The following MAGI2 variants were observed in gnomAD, a reference collection of about 807,000 sequenced individuals.
MAGI2 encodes membrane-associated guanylate kinase, WW and PDZ domain-containing protein 2.
Under a neutral mutation model 133.3 loss-of-function variants are expected in MAGI2, and 35 were observed. That is an observed-to-expected ratio of 0.26 (90% confidence interval 0.20 to 0.35). The LOEUF is 0.35. MAGI2 is among the 10% of genes least tolerant of loss of function. The pLI is 1.00. For missense variants in MAGI2, 1,636 were observed against 1,863.4 expected (o/e 0.88, Z 2.25); for synonymous variants, 729 against 710.6 (o/e 1.03, Z -0.41).
chr7:78,385,029 G>T (rs1472948508), intron 6 of MAGI2, among the ~76,000 whole-genome samples: 1 of 152,124 alleles, frequency 6.6e-6, no homozygotes, highest in Non-Finnish European at 1.5e-5. Flanking sequence ...GCCGTGAAAC[G>T]CATGGATCCT....
intron 1 of MAGI2, among the ~76,000 whole-genome samples, chr7:79,310,162 CAAAAAAAAAAAA>C (rs71518921): frequency 1.3e-3 from 21 of 16,288 alleles, no homozygotes; most frequent in African/African-American, 3.3e-3. Flanking sequence ...GAGTCCATCT[CAAAAAAAAAAAA>C]AAAAAAAAAA....
chr7:78,599,859 A>G (rs319870), intron 3 of MAGI2, among the ~76,000 whole-genome samples: 26,067 of 152,048 alleles, frequency 0.17, 2,873 homozygotes, highest in Non-Finnish European at 0.25. Flanking sequence ...TGTCACTCCT[A>G]TCTGGGGATG....
intron 9 of MAGI2, among the ~76,000 whole-genome samples, chr7:78,269,444 T>A (rs529536871): frequency 6.3e-4 from 96 of 152,318 alleles, no homozygotes; most frequent in Non-Finnish European, 1.1e-3. Context: ...CTCCAGCATC[T>A]GTTGTTTACT....
intron 2 of MAGI2, among the ~76,000 whole-genome samples, chr7:78,849,921 A>G (rs1792983797): frequency 6.6e-6 from 1 of 152,074 alleles, no homozygotes; most frequent in South Asian, 2.1e-4. Context: ...AGCACTAAAT[A>G]CTTCATCTTG....
intron 1 of MAGI2, among the ~76,000 whole-genome samples, chr7:79,338,703 T>A (rs1476327411): frequency 1.3e-5 from 2 of 152,160 alleles, no homozygotes; most frequent in Non-Finnish European, 2.9e-5. Context: ...GACCCCTAAA[T>A]ATGTTGTATC....
At position 79,036,808 on chromosome 7, in the gene MAGI2, T is replaced by C. The variant is rs144385684; in HGVS notation, c.302-29602A>G. On this transcript the variant is annotated intron_variant, in intron 1 of 21. Transcript: ENST00000354212. Reference sequence around the variant, plus strand: ...AGTACAAATCAATGAATGAATAAAATAACCGCCAGAGGTAAATTTTAACAT... The same window carrying C: ...AGTACAAATCAATGAATGAATAAAACAACCGCCAGAGGTAAATTTTAACAT... 8.3e-4 allele frequency among the ~76,000 whole-genome samples: 127 copies of C among 152,260 alleles called. No homozygotes were observed. In the East Asian group the frequency reaches 0.018, roughly 22 times the overall value.
intron 21 of MAGI2, among the ~76,000 whole-genome samples, chr7:78,061,050 T>C (rs1217964356): frequency 6.6e-6 from 1 of 150,982 alleles, no homozygotes; most frequent in African/African-American, 2.4e-5. Context: ...CCTGTAATTC[T>C]AGCTACCTGG....
At chr7:79,268,123 T>C (rs377328292) in intron 1 of MAGI2, among the ~76,000 whole-genome samples, 1 of 152,168 alleles carries the variant, frequency 6.6e-6, no homozygotes, top group Non-Finnish European at 1.5e-5. Flanking sequence ...AGTTCTATCC[T>C]GTGCTTGGAG....
intron 16 of MAGI2, among the ~76,000 whole-genome samples, chr7:78,148,879 T>C (rs1299641881): frequency 2.0e-5 from 3 of 152,150 alleles, no homozygotes; most frequent in Non-Finnish European, 4.4e-5. Context: ...ATTTATATTA[T>C]AGCCAATTGA....
intron 2 of MAGI2, among the ~76,000 whole-genome samples, chr7:78,664,486 A>G (rs1210262944): frequency 6.6e-6 from 1 of 152,086 alleles, no homozygotes; most frequent in African/African-American, 2.4e-5. Flanking sequence ...GATCTTAATC[A>G]GTAATTGAAA....
chr7:78,189,916 T>C (rs140312662), intron 12 of MAGI2, among the ~76,000 whole-genome samples: 188 of 152,334 alleles, frequency 1.2e-3, no homozygotes, highest in African/African-American at 4.3e-3. Flanking sequence ...TTTCATAAGA[T>C]TCCAAAGTGA....
intron 2 of MAGI2, among the ~76,000 whole-genome samples, chr7:78,697,489 G>A (rs1402029783): frequency 3.3e-5 from 5 of 152,030 alleles, no homozygotes; most frequent in African/African-American, 1.2e-4. Flanking sequence ...GAAAGCTTTG[G>A]CTTTCTCATC....
intron 1 of MAGI2, among the ~76,000 whole-genome samples, chr7:79,009,679 C>A (rs12531457): frequency 0.011 from 1,666 of 152,258 alleles, 14 homozygotes; most frequent in Non-Finnish European, 0.018. Context: ...GTCATTCAAT[C>A]ATTCTCCACT....
chr7:79,259,031 A>G (rs904764396), intron 1 of MAGI2, among the ~76,000 whole-genome samples: 2 of 152,106 alleles, frequency 1.3e-5, no homozygotes, highest in African/African-American at 4.8e-5. Context: ...TCTGTCACTC[A>G]CTTTGTATTT....
chr7:79,378,926 G>GTGTATATATATA (rs1158436636), intron 1 of MAGI2, among the ~76,000 whole-genome samples: 15 of 94,576 alleles, frequency 1.6e-4, no homozygotes, highest in African/African-American at 5.1e-4. Flanking sequence ...ATGTGTGTGT[G>GTGTATATATATA]TATATATATA....
At chr7:78,076,573 G>A (rs541551836) in intron 21 of MAGI2, among the ~76,000 whole-genome samples, 2 of 151,774 alleles carry the variant, frequency 1.3e-5, no homozygotes, top group African/African-American at 2.4e-5. Context: ...AAGGCCGGGC[G>A]CGGTGGCTCA....
intron 2 of MAGI2, among the ~76,000 whole-genome samples, chr7:78,897,457 A>G (rs1434971773): frequency 1.3e-5 from 2 of 152,190 alleles, no homozygotes; most frequent in Admixed American, 6.5e-5. Flanking sequence ...ATGGCTTTCA[A>G]GAGCCAATTA....
intron 20 of MAGI2, among the ~76,000 whole-genome samples, chr7:78,083,690 A>G (rs547367506): frequency 1.8e-4 from 27 of 152,338 alleles, no homozygotes; most frequent in African/African-American, 6.5e-4. Flanking sequence ...CCGCCTAGTA[A>G]GTTCTGCATT....
chr7:78,199,532 G>A (rs1289173838), intron 11 of MAGI2, among the ~76,000 whole-genome samples: 1 of 152,194 alleles, frequency 6.6e-6, no homozygotes, highest in African/African-American at 2.4e-5. Context: ...TACGTAGCTA[G>A]CTCAAGTCAT....
Sources: gnomAD v4.1 joint callset for allele counts (sites outside exome capture counted in the v4.1 genomes callset) on GRCh38, gnomAD v4.1.1 for gene constraint, MANE v1.5 for transcripts, NCBI Gene and HGNC (gene_info 2026-07-23, HGNC 2026-07-21) for gene names.